MCC: variants seen among roughly 807,000 people sequenced by gnomAD.
MCC encodes MCC regulator of Wnt signaling pathway.
MCC carries 90 observed loss-of-function variants against 116.2 expected under a neutral mutation model. The observed-to-expected ratio is 0.77, with a 90% CI of 0.65 to 0.92. The LOEUF is 0.92. MCC is among the 40% of genes least tolerant of loss of function. The pLI is 0.00. For synonymous variants in MCC, 578 were observed against 510.5 expected (o/e 1.13, Z -1.78); for missense variants, 1,516 against 1,312.2 (o/e 1.16, Z -2.40).
chr5:113,260,406 T>C (rs1024339944), intron 3 of MCC, among the ~76,000 whole-genome samples: 15 of 152,146 alleles, frequency 9.9e-5, no homozygotes, highest in African/African-American at 2.4e-5. Flanking sequence ...CATGCCTGCT[T>C]CTGCATGCAA....
intron 4 of MCC, among the ~76,000 whole-genome samples, chr5:113,143,882 G>C (rs1006166878): frequency 6.6e-6 from 1 of 152,134 alleles, no homozygotes; most frequent in Admixed American, 6.5e-5. Context: ...GTTTGTCAGG[G>C]TTTGTTTCAG....
chr5:113,249,016 G>C (rs1764686100), intron 3 of MCC, among the ~76,000 whole-genome samples: 1 of 151,904 alleles, frequency 6.6e-6, no homozygotes, highest in Non-Finnish European at 1.5e-5. Context: ...GCTAATTTTT[G>C]TATTTTTAGT....
At chr5:113,166,531 G>C (rs1760775203) in intron 3 of MCC, among the ~76,000 whole-genome samples, 1 of 151,964 alleles carries the variant, frequency 6.6e-6, no homozygotes, top group Non-Finnish European at 1.5e-5. Flanking sequence ...TGATAATACA[G>C]TTTAAATGCA....
In MCC at chr5:113,290,471, A is replaced by T. The variant is rs192807673; in HGVS notation, c.627+50048T>A. ...CATGGGAGAAATTTTTTAAAAATAA[A>T]TTTTTATTTTTGTACATAAATAGGC... On this transcript the variant is annotated intron_variant, in intron 3 of 18. Transcript: ENST00000408903. 2.2e-3 allele frequency among the ~76,000 whole-genome samples: 335 copies of T among 152,314 alleles called. 3 individuals are homozygous for T. In the East Asian group the frequency reaches 0.031, roughly 14 times the overall value.
chr5:113,213,306 G>T (rs1433715423), intron 3 of MCC, among the ~76,000 whole-genome samples: 1 of 152,110 alleles, frequency 6.6e-6, no homozygotes, highest in African/African-American at 2.4e-5. Context: ...TACCACAAGG[G>T]GTTAAAATAT....
chr5:113,238,897 T>C (rs1020245747), intron 3 of MCC, among the ~76,000 whole-genome samples: 3 of 152,230 alleles, frequency 2.0e-5, no homozygotes, highest in Non-Finnish European at 4.4e-5. Context: ...AAGAGGTACA[T>C]ATTTCCAACT....
At chr5:113,044,956 C>T (rs955535180) in intron 16 of MCC, among the ~76,000 whole-genome samples, 1 of 152,214 alleles carries the variant, frequency 6.6e-6, no homozygotes, top group Non-Finnish European at 1.5e-5. Context: ...TCTCCCGAGG[C>T]AGTTCCTTGG....
intron 1 of MCC, among the ~76,000 whole-genome samples, chr5:113,470,589 AC>A (rs1228588257): frequency 1.3e-5 from 2 of 152,092 alleles, no homozygotes; most frequent in African/African-American, 4.8e-5. Flanking sequence ...GGGTAACCTG[AC>A]CTTTCCCTCT....
chr5:113,427,150 AG>A (rs2150409401), intron 1 of MCC, among the ~76,000 whole-genome samples: 1 of 152,326 alleles, frequency 6.6e-6, no homozygotes, highest in East Asian at 1.9e-4. Context: ...CATCCTCAAA[AG>A]TTTGCTCAAA....
intron 3 of MCC, among the ~76,000 whole-genome samples, chr5:113,215,162 C>A (rs577666100): frequency 6.6e-6 from 1 of 152,322 alleles, no homozygotes; most frequent in East Asian, 1.9e-4. Context: ...CAACCCTAGG[C>A]AGAGGTGAAT....
rs1767447306 is a variant in MCC, at chr5:113,322,658, A to G, written c.627+17861T>C. Among the ~76,000 whole-genome samples the G allele has an allele frequency of 2.0e-5, 3 of 152,354 alleles. No individual in the cohort carries two copies. The South Asian group carries it at 6.2e-4, about 32-fold the overall frequency. ...TACCTCCTGTTTTAAAGAATCAGCT[A>G]TCAAAAGATAAGAGTTTCCTACTTA... On this transcript the variant is annotated intron_variant, in intron 3 of 18. Transcript: ENST00000408903.
chr5:113,109,786 T>TA (rs1561359423), intron 6 of MCC, among the ~76,000 whole-genome samples: 1 of 151,928 alleles, frequency 6.6e-6, no homozygotes, highest in African/African-American at 2.4e-5. Flanking sequence ...GTAATTTAAT[T>TA]AAAAAAAATT....
intron 14 of MCC, among the ~76,000 whole-genome samples, chr5:113,062,858 G>A (rs919134540): frequency 6.6e-6 from 1 of 152,204 alleles, no homozygotes; most frequent in South Asian, 2.1e-4. Flanking sequence ...CCCACCAGGG[G>A]AGAAAGAGAG....
chr5:113,044,601 T>A, intron 16 of MCC: 2 of 426,746 alleles, frequency 4.7e-6, no homozygotes, highest in Non-Finnish European at 6.3e-6. Context: ...TGAGATGGAG[T>A]TTTGCTCTCG....
At chr5:113,145,916 C>G (rs1476802841) in intron 4 of MCC, among the ~76,000 whole-genome samples, 1 of 152,070 alleles carries the variant, frequency 6.6e-6, no homozygotes, top group Non-Finnish European at 1.5e-5. Context: ...TGGAGGATAC[C>G]TGCATGAACA....
chr5:113,430,495 T>C (rs1175695710), intron 1 of MCC, among the ~76,000 whole-genome samples: 2 of 152,078 alleles, frequency 1.3e-5, no homozygotes, highest in Non-Finnish European at 2.9e-5. Context: ...TAAGTAAAAT[T>C]TTATGTTGAG....
chr5:113,389,086 G>A (rs1769343480), intron 1 of MCC, among the ~76,000 whole-genome samples: 1 of 152,160 alleles, frequency 6.6e-6, no homozygotes, highest in African/African-American at 2.4e-5. Context: ...ACACATGAAT[G>A]AGAATATAAA....
At chr5:113,243,034 C>G (rs1764436934) in intron 3 of MCC, among the ~76,000 whole-genome samples, 1 of 152,166 alleles carries the variant, frequency 6.6e-6, no homozygotes, top group Non-Finnish European at 1.5e-5. Context: ...AAAGTTTAAA[C>G]CAAAATATCC....
intron 5 of MCC, among the ~76,000 whole-genome samples, chr5:113,138,178 A>C (rs1581139319): frequency 6.6e-6 from 1 of 151,960 alleles, no homozygotes; most frequent in Admixed American, 6.5e-5. Context: ...CACCACGCCC[A>C]GCTAACTTTT....
Sources: gnomAD v4.1 joint callset for allele counts (sites outside exome capture counted in the v4.1 genomes callset) on GRCh38, gnomAD v4.1.1 for gene constraint, MANE v1.5 for transcripts, NCBI Gene and HGNC (gene_info 2026-07-23, HGNC 2026-07-21) for gene names.